Variants in GCLC observed in about 807,000 individuals in gnomAD.
GCLC encodes glutamate--cysteine ligase catalytic subunit.
In GCLC, 30 loss-of-function variants were observed where a neutral mutation model predicts 81.5. The observed-to-expected ratio is 0.37, with a 90% confidence interval of 0.28 to 0.50. GCLC has a LOEUF of 0.50. Ranked by LOEUF, GCLC falls within the 20% of genes least tolerant of loss-of-function variation. The probability of loss-of-function intolerance (pLI) is 0.96; values close to 1 mark genes in which losing one functional copy is unlikely to be tolerated. For synonymous variants in GCLC, 262 were observed against 273.3 expected, an observed-to-expected ratio of 0.96 and a Z score of 0.41; for missense variants, 556 against 777.4, an observed-to-expected ratio of 0.72 and a Z score of 3.39.
At chr6:53,540,667 C>CA (rs1763337198) in intron 1 of GCLC, among the ~76,000 whole-genome samples, 14 of 143,808 alleles carry the variant, frequency 9.7e-5, no homozygotes, top group African/African-American at 3.3e-4. Context: ...AAGTGTCTTG[C>CA]CACACACACA....
At chr6:53,518,577 A>G (rs1165982039) in intron 3 of GCLC, among the ~76,000 whole-genome samples, 4 of 152,154 alleles carry the variant, frequency 2.6e-5, no homozygotes, top group Non-Finnish European at 5.9e-5. Context: ...AAAGGCAACT[A>G]TCCCATATGG....
At chr6:53,538,242 C>G (rs1763291338) in intron 1 of GCLC, among the ~76,000 whole-genome samples, 1 of 147,604 alleles carries the variant, frequency 6.8e-6, no homozygotes, top group South Asian at 2.1e-4. Flanking sequence ...GCCATGAACT[C>G]CTGGGCTCCA....
rs558823131 is a variant in GCLC, at chr6:53,541,777, A to G, written c.150+2719T>C. On this transcript the variant is annotated intron_variant, in intron 1 of 15. Transcript: ENST00000650454. ...TTTAATTTATGACAGAGTATTTGGA[A>G]CAAGAAATGTGAAGGTATAGTCTTA... Among the ~76,000 whole-genome samples, 5 of 152,338 alleles carry G rather than the reference A, an allele frequency of 3.3e-5. No individual in the cohort carries two copies. The South Asian group carries it at 1.0e-3, about 32-fold the overall frequency.
chr6:53,538,318 G>A (rs1763292794), intron 1 of GCLC, among the ~76,000 whole-genome samples: 1 of 144,326 alleles, frequency 6.9e-6, no homozygotes, highest in Admixed American at 7.3e-5. Flanking sequence ...TGCCTGGCAA[G>A]CTATGCATTT....
At chr6:53,509,488 G>A (rs1011661346) in intron 6 of GCLC, 1 of 582,960 alleles carries the variant, frequency 1.7e-6, no homozygotes, top group Non-Finnish European at 3.0e-6. Flanking sequence ...AAGGTCCTAA[G>A]TGAAATAAGA....
At chr6:53,516,955 A>G (rs1764885155) in intron 3 of GCLC, among the ~76,000 whole-genome samples, 1 of 152,116 alleles carries the variant, frequency 6.6e-6, no homozygotes, top group African/African-American at 2.4e-5. Flanking sequence ...TTTGAGGTCA[A>G]TATTACATGT....
chr6:53,535,973 A>G (rs370350458), intron 1 of GCLC, among the ~76,000 whole-genome samples: 2 of 152,262 alleles, frequency 1.3e-5, no homozygotes, highest in Non-Finnish European at 2.9e-5. Context: ...GCATTAGTCC[A>G]TACATACAAA....
chr6:53,502,803 A>G (rs16883894), intron 12 of GCLC, among the ~76,000 whole-genome samples: 31,501 of 152,026 alleles, frequency 0.21, 4,905 homozygotes, highest in East Asian at 0.44. Flanking sequence ...TTTATGTTCT[A>G]TGGGCTATTG....
chr6:53,537,186 G>A (rs1763270532), intron 1 of GCLC, among the ~76,000 whole-genome samples: 1 of 152,152 alleles, frequency 6.6e-6, no homozygotes, highest in African/African-American at 2.4e-5. Flanking sequence ...GTGTCTGAAG[G>A]AAAACCAGAA....
Position 53,544,658 on chromosome 6 carries a change from C to CTCT in GCLC, c.-14_-13insAGA, listed in dbSNP as rs771265245. 3 of 1,567,550 alleles carry CTCT rather than the reference C, an allele frequency of 1.9e-6. No homozygotes were observed. In the South Asian group the frequency reaches 3.4e-5, roughly 18 times the overall value. ...ACAGCAGCCCCATGGCCGCCCCCTC[C>CTCT]TCCTCCTCCTCCTCCTCCGGGCTGA... is the stretch of plus-strand genomic sequence containing the variant. On this transcript the variant is annotated 5_prime_UTR_variant, in exon 1 of 16. Transcript: ENST00000650454.
At chr6:53,538,081 T>TAAATAGG (rs1176142923) in intron 1 of GCLC, among the ~76,000 whole-genome samples, 1 of 151,922 alleles carries the variant, frequency 6.6e-6, no homozygotes, top group Non-Finnish European at 1.5e-5. Context: ...ACTGTATTTT[T>TAAATAGG]AAATAGGATC....
At chr6:53,536,511 T>C (rs899923202) in intron 1 of GCLC, among the ~76,000 whole-genome samples, 2 of 152,234 alleles carry the variant, frequency 1.3e-5, no homozygotes, top group Admixed American at 6.5e-5. Context: ...TCATGAAATG[T>C]AGAAACAGAG....
At position 53,500,183 on chromosome 6, in the gene GCLC, C is replaced by G. The variant is rs771176094; in HGVS notation, c.1582-18G>C. 2.2e-5 allele frequency: 35 copies of G among 1,613,954 alleles called. No individual in the cohort carries two copies. Among genetic ancestry groups the G allele is most frequent in the Non-Finnish European group, 2.5e-5 (30 of 1,179,938 alleles). On this transcript the variant is annotated intron_variant, in intron 14 of 15. Coordinates refer to ENST00000650454, the MANE Select transcript of GCLC (RefSeq NM_001498.4). ...ACACCTTCCTACAAGAAGCAGGACA[C>G]TTTATGAACTCCCTGCCGGGGGATG...
chr6:53,513,123 T>A (rs1764787834), intron 6 of GCLC: 1 of 152,246 alleles, frequency 6.6e-6, no homozygotes, highest in Non-Finnish European at 1.5e-5. Context: ...AAAATCTGAT[T>A]CCAGCATTCA....
At position 53,542,922 on chromosome 6, in the gene GCLC, T is replaced by C. The variant is rs553760198; in HGVS notation, c.150+1574A>G. 1.4e-4 allele frequency among the ~76,000 whole-genome samples: 21 copies of C among 152,092 alleles called. No homozygotes were observed. The East Asian group carries it at 2.9e-3, about 21-fold the overall frequency. Reference sequence around the variant, plus strand: ...TACTCAGGAGGCTGAGGCAGGAGAATTGCTTGAACCCGGGAGGCTGAGGTT... The same window carrying C: ...TACTCAGGAGGCTGAGGCAGGAGAACTGCTTGAACCCGGGAGGCTGAGGTT... On this transcript the variant is annotated intron_variant, in intron 1 of 15. Transcript: ENST00000650454.
At chr6:53,526,753 G>A (rs1290855458) in intron 1 of GCLC, among the ~76,000 whole-genome samples, 1 of 147,562 alleles carries the variant, frequency 6.8e-6, no homozygotes, top group East Asian at 2.0e-4. Context: ...AGCCGAGATC[G>A]CGGCACTGCA....
Position 53,544,723 on chromosome 6 carries a change from C to A in GCLC, c.-78G>T. 2 of 1,416,830 alleles carry A rather than the reference C, an allele frequency of 1.4e-6. No individual in the cohort carries two copies. The highest frequency in any genetic ancestry group is 1.9e-6 in the Non-Finnish European group (2 of 1,061,398). 87.8% of individuals were successfully genotyped at this position (1,416,830 alleles called of 1,614,324 possible). On this transcript the variant is annotated 5_prime_UTR_variant, in exon 1 of 16. Transcript: ENST00000650454. ...TCCGGGCGCGAGACGGACACTCAGC[C>A]GCCCGCAGAAGGCGGCTGCCGCTCC...
intron 7 of GCLC, 37 bp downstream of exon 7, chr6:53,509,139 G>A (rs757419010): frequency 1.3e-5 from 16 of 1,197,946 alleles, no homozygotes; most frequent in East Asian, 7.0e-5. Context: ...TATTTCATAC[G>A]AAGTAGTATT....
At chr6:53,527,836 C>T (rs1763108851) in intron 1 of GCLC, among the ~76,000 whole-genome samples, 1 of 152,144 alleles carries the variant, frequency 6.6e-6, no homozygotes, top group Non-Finnish European at 1.5e-5. Flanking sequence ...TTCAACCTCC[C>T]ATAGGATCCC....
Sources: gnomAD v4.1 joint callset for allele counts (sites outside exome capture counted in the v4.1 genomes callset) on GRCh38, gnomAD v4.1.1 for gene constraint, MANE v1.5 for transcripts, NCBI Gene and HGNC (gene_info 2026-07-23, HGNC 2026-07-21) for gene names.